The following SDC2 variants were observed in gnomAD, a reference collection of about 807,000 sequenced individuals.
SDC2 encodes the protein syndecan 2.
A neutral mutation model predicts 22.2 loss-of-function variants in SDC2; 13 were observed. The observed-to-expected ratio is 0.59, with a 90% CI of 0.38 to 0.93. The LOEUF is 0.93. Among genes scored for constraint, SDC2 ranks in the 40% least tolerant of loss-of-function variants. SDC2 has a pLI of 0.00. For missense variants in SDC2, 235 were observed against 246.8 expected (o/e 0.95, Z 0.32); for synonymous variants, 94 against 92.8 (o/e 1.01, Z -0.07).
At chr8:96,589,777 A>T (rs1374143081) in intron 1 of SDC2, among the ~76,000 whole-genome samples, 1 of 152,164 alleles carries the variant, frequency 6.6e-6, no homozygotes, top group Non-Finnish European at 1.5e-5. Flanking sequence ...GAGTGATACG[A>T]TGATGTTTGA....
In SDC2 at chr8:96,494,324, C is replaced by T; in HGVS notation, c.53C>T (p.Ala18Val). Residue 18 changes from alanine to valine, a missense_variant, in exon 1 of 5, where the codon GCG becomes GTG. Physicochemically the swap from Ala to Val is moderately conservative, Grantham distance 64. Transcript: ENST00000302190. ...LTLGLVACVS[A>V]ESRAELTSDK... ...TTGGGCTTGGTGGCCTGCGTGTCGG[C>T]GGAGTCGGTGAGTGGGCCAGGCGGA... 2 of 1,542,780 alleles carry T rather than the reference C, an allele frequency of 1.3e-6. No individual in the cohort carries two copies. Among genetic ancestry groups the T allele is most frequent in the South Asian group, 2.4e-5 (2 of 84,016 alleles).
At chr8:96,571,596 CT>C (rs1814396043) in intron 1 of SDC2, among the ~76,000 whole-genome samples, 1 of 152,196 alleles carries the variant, frequency 6.6e-6, no homozygotes, top group South Asian at 2.1e-4. Context: ...ACTTGTTTGG[CT>C]AGCAGAGAAG....
chr8:96,511,515 C>T (rs1034413794), intron 1 of SDC2, among the ~76,000 whole-genome samples: 5 of 152,184 alleles, frequency 3.3e-5, no homozygotes, highest in Non-Finnish European at 7.3e-5. Flanking sequence ...GAAGCCAGCC[C>T]TTAGAACGCC....
intron 1 of SDC2, among the ~76,000 whole-genome samples, chr8:96,528,617 A>G (rs1310793383): frequency 6.6e-6 from 1 of 152,230 alleles, no homozygotes; most frequent in Non-Finnish European, 1.5e-5. Flanking sequence ...AAATAAAAAT[A>G]GTCTTTCTAA....
chr8:96,608,281 C>A lies in SDC2; in HGVS notation c.307-54C>A, dbSNP rs903195586. The A allele has an allele frequency of 2.1e-5, 32 of 1,559,946 alleles. No homozygotes were observed. In the Admixed American group the frequency reaches 6.4e-4, roughly 31 times the overall value. On this transcript the variant is annotated intron_variant, in intron 3 of 4. Coordinates refer to ENST00000302190, the MANE Select transcript of SDC2 (RefSeq NM_002998.4). ...GGAATATACTCATCTATTATTTCTTCTTTCCAACACATTTCCTTAAATCAA... is the reference window on the plus strand; with the variant it reads ...GGAATATACTCATCTATTATTTCTTATTTCCAACACATTTCCTTAAATCAA...
intron 2 of SDC2, among the ~76,000 whole-genome samples, chr8:96,598,292 A>T (rs1243557165): frequency 6.6e-6 from 1 of 152,170 alleles, no homozygotes; most frequent in Non-Finnish European, 1.5e-5. Context: ...GGGGAGACAC[A>T]TTCATACCAT....
At chr8:96,600,387 G>A (rs982121612) in intron 2 of SDC2, among the ~76,000 whole-genome samples, 5 of 152,196 alleles carry the variant, frequency 3.3e-5, no homozygotes, top group African/African-American at 1.2e-4. Context: ...AAGGAATGTT[G>A]TATTTGAATG....
At chr8:96,564,507 G>T (rs116613681) in intron 1 of SDC2, among the ~76,000 whole-genome samples, 2 of 152,016 alleles carry the variant, frequency 1.3e-5, no homozygotes, top group African/African-American at 2.4e-5. Flanking sequence ...GGCCTTGACC[G>T]TAGAGTTGTG....
At chr8:96,608,293 T>A in intron 3 of SDC2, 42 bp from the exon 4 acceptor site, 1 of 1,584,434 alleles carries the variant, frequency 6.3e-7, no homozygotes, top group South Asian at 1.2e-5. Context: ...TTCCAACACA[T>A]TTCCTTAAAT....
At position 96,610,954 on chromosome 8, in the gene SDC2, A is replaced by G. The variant is rs1815165153; in HGVS notation, c.*1406A>G. The G allele has an allele frequency of 6.5e-6, 1 of 152,676 alleles. No homozygotes were observed. 9.5% of individuals were successfully genotyped at this position (152,676 alleles called of 1,614,324 possible). A position where few individuals can be genotyped will look rare whatever the true frequency, so the allele number is the denominator to read the frequency against. On this transcript the variant is annotated 3_prime_UTR_variant, in exon 5 of 5. Coordinates refer to ENST00000302190, the MANE Select transcript of SDC2 (RefSeq NM_002998.4). Reference sequence around the variant, plus strand: ...TTAAGACAGACGCCTGCTTTTGCAAATAACTTACAAGACTGTAAATTCCAA... The same window carrying G: ...TTAAGACAGACGCCTGCTTTTGCAAGTAACTTACAAGACTGTAAATTCCAA...
chr8:96,597,765 T>A (rs999776880), intron 2 of SDC2, among the ~76,000 whole-genome samples: 1 of 152,194 alleles, frequency 6.6e-6, no homozygotes, highest in Admixed American at 6.5e-5. Context: ...CAGAGGATAT[T>A]CATTCATTGA....
At chr8:96,600,714 G>T (rs117924738) in intron 2 of SDC2, among the ~76,000 whole-genome samples, 181 of 152,282 alleles carry the variant, frequency 1.2e-3, no homozygotes, top group Non-Finnish European at 1.1e-3. Context: ...CAGAGTTCTG[G>T]TGTGTAGGAA....
At chr8:96,580,300 C>G (rs1814569201) in intron 1 of SDC2, 2 of 778,816 alleles carry the variant, frequency 2.6e-6, no homozygotes, top group Non-Finnish European at 1.6e-6. Flanking sequence ...TGTCATTTTT[C>G]TACAGGCAGA....
At chr8:96,527,183 G>A in intron 1 of SDC2, among the ~76,000 whole-genome samples, 1 of 152,148 alleles carries the variant, frequency 6.6e-6, no homozygotes, top group East Asian at 1.9e-4. Context: ...TTGACGTGGT[G>A]GGAAGAGAGA....
At chr8:96,567,859 C>G (rs1405042855) in intron 1 of SDC2, among the ~76,000 whole-genome samples, 1 of 152,198 alleles carries the variant, frequency 6.6e-6, no homozygotes, top group Non-Finnish European at 1.5e-5. Context: ...GTGCCAGGCA[C>G]TCTTAGACAA....
Position 96,494,236 on chromosome 8 carries a change from CAAGCAGCGGCTGG to C in SDC2, c.-35_-23del. The C allele has an allele frequency of 6.5e-7, 1 of 1,539,534 alleles. No homozygotes were observed. Among genetic ancestry groups the C allele is most frequent in the Non-Finnish European group, 8.7e-7 (1 of 1,145,630 alleles). On this transcript the variant is annotated 5_prime_UTR_variant, in exon 1 of 5. Coordinates refer to ENST00000302190, the MANE Select transcript of SDC2 (RefSeq NM_002998.4). ...AGGAGGCTTCGTTTTGCCCTGGTTG[CAAGCAGCGGCTGG>C]GAGCAGCCGGTCCCTGGGGAATATG...
chr8:96,542,490 G>A (rs1458710612), intron 1 of SDC2, among the ~76,000 whole-genome samples: 1 of 152,146 alleles, frequency 6.6e-6, no homozygotes, highest in Non-Finnish European at 1.5e-5. Context: ...CTTTAGCAGT[G>A]AAGGCTAGAT....
intron 1 of SDC2, among the ~76,000 whole-genome samples, chr8:96,497,285 T>A (rs1173645192): frequency 6.6e-6 from 1 of 152,060 alleles, no homozygotes; most frequent in Non-Finnish European, 1.5e-5. Context: ...GTTTTATGAG[T>A]GAAACAAATT....
At chr8:96,594,200 G>A (rs1486384170) in intron 2 of SDC2, among the ~76,000 whole-genome samples, 2 of 152,110 alleles carry the variant, frequency 1.3e-5, no homozygotes, top group East Asian at 3.9e-4. Context: ...CCCAAAACTT[G>A]GTGGCTTAAA....
Sources: gnomAD v4.1 joint callset for allele counts (sites outside exome capture counted in the v4.1 genomes callset) on GRCh38, gnomAD v4.1.1 for gene constraint, MANE v1.5 for transcripts, NCBI Gene and HGNC (gene_info 2026-07-23, HGNC 2026-07-21) for gene names.